The following DKK3 variants were observed in gnomAD, a reference collection of about 807,000 sequenced individuals.
The protein encoded by DKK3 is dickkopf Wnt signaling pathway inhibitor 3.
A neutral mutation model predicts 33.2 loss-of-function variants in DKK3; 22 were observed. The observed-to-expected ratio is 0.66, with a 90% CI of 0.47 to 0.95. The LOEUF is 0.95. Among genes scored for constraint, DKK3 ranks in the 40% least tolerant of loss-of-function variants. The probability of loss-of-function intolerance (pLI) is 0.00; values close to 1 mark genes in which losing one functional copy is unlikely to be tolerated. For missense variants in DKK3, 398 were observed against 458.4 expected, an observed-to-expected ratio of 0.87 and a Z score of 1.20; for synonymous variants, 194 against 188.8, an observed-to-expected ratio of 1.03 and a Z score of -0.23.
At chr11:11,972,873 G>A (rs1847753843) in intron 3 of DKK3, among the ~76,000 whole-genome samples, 1 of 151,382 alleles carries the variant, frequency 6.6e-6, no homozygotes, top group South Asian at 2.1e-4. Flanking sequence ...GAAGGCGGGG[G>A]CTCTGGGCTT....
At chr11:11,996,698 A>G (rs1848301889) in intron 3 of DKK3, among the ~76,000 whole-genome samples, 1 of 152,196 alleles carries the variant, frequency 6.6e-6, no homozygotes, top group African/African-American at 2.4e-5. Context: ...GCATCAAGAC[A>G]ACCTTGGCAA....
intron 3 of DKK3, among the ~76,000 whole-genome samples, chr11:11,981,537 C>T (rs904948585): frequency 1.3e-5 from 2 of 152,356 alleles, no homozygotes; most frequent in Non-Finnish European, 1.5e-5. Context: ...CACCCTCTGC[C>T]TTGCCAGCCT....
intron 3 of DKK3, among the ~76,000 whole-genome samples, chr11:11,973,169 G>A (rs1007704214): frequency 2.6e-5 from 4 of 152,194 alleles, no homozygotes; most frequent in Admixed American, 2.6e-4. Flanking sequence ...CCGCCACCTG[G>A]CACAATTTCT....
intron 3 of DKK3, chr11:11,998,347 C>T: frequency 2.7e-6 from 1 of 371,144 alleles, no homozygotes; most frequent in East Asian, 6.5e-5. Flanking sequence ...GGTAGCCATC[C>T]CAGAGGCTCT....
Position 11,970,027 on chromosome 11 carries a change from C to T in DKK3, c.436-1540G>A, listed in dbSNP as rs574464594. ...CAGGGCTGGGAACAAATCACAGACG[C>T]GCTTTGTCTCAGCCCAGCACACGCT... On this transcript the variant is annotated intron_variant, in intron 3 of 6. Transcript: ENST00000683431. 3.9e-5 allele frequency among the ~76,000 whole-genome samples: 6 copies of T among 152,294 alleles called. No homozygotes were observed. In the South Asian group the frequency reaches 6.2e-4, roughly 16 times the overall value.
upstream of DKK3, chr11:12,008,896 C>T: frequency 9.1e-7 from 1 of 1,097,104 alleles, no homozygotes; most frequent in Non-Finnish European, 1.1e-6. The surrounding 1 kb of genome is among the most constrained non-coding windows in gnomAD (Gnocchi z 4.6). Flanking sequence ...CTCGCCAGAG[C>T]AACCGAACCC....
At chr11:12,003,747 TAAA>T (rs67334199) in intron 1 of DKK3, among the ~76,000 whole-genome samples, 1 of 150,334 alleles carries the variant, frequency 6.7e-6, no homozygotes, top group Admixed American at 6.6e-5. Flanking sequence ...TTTTTTTTTT[TAAA>T]AAAAGAATGC....
intron 3 of DKK3, among the ~76,000 whole-genome samples, chr11:11,986,661 C>T (rs1321227014): frequency 6.6e-6 from 1 of 152,134 alleles, no homozygotes; most frequent in African/African-American, 2.4e-5. Flanking sequence ...CTGCAAACCA[C>T]CATGACTTTA....
chr11:11,978,501 TTTC>T (rs1026481690), intron 3 of DKK3, among the ~76,000 whole-genome samples: 1 of 133,374 alleles, frequency 7.5e-6, no homozygotes, highest in African/African-American at 3.1e-5. Flanking sequence ...CTTCTTCTTC[TTTC>T]TTCTTTCTTC....
chr11:11,984,268 GACA>G (rs1457356209), intron 3 of DKK3, among the ~76,000 whole-genome samples: 1 of 152,218 alleles, frequency 6.6e-6, no homozygotes, highest in East Asian at 1.9e-4. Context: ...TATTTTGAGA[GACA>G]GTATTTTATG....
Position 11,996,032 on chromosome 11 carries a change from G to T in DKK3, c.435+2664C>A, listed in dbSNP as rs115166064. The stretch of plus-strand genomic sequence containing the variant: ...AGCATTTGAAGAAAGGAAAGTATAG[G>T]GTGTGTGGTGATTACTTTTAATTGA... On this transcript the variant is annotated intron_variant, in intron 3 of 6. Transcript: ENST00000683431. Among the ~76,000 whole-genome samples the T allele has an allele frequency of 6.3e-3, 963 of 152,242 alleles. 7 individuals are homozygous for T. Among genetic ancestry groups the T allele is most frequent in the African/African-American group, 0.022 (924 of 41,524 alleles).
intron 5 of DKK3, 104 bp from the exon 6 acceptor site, chr11:11,966,069 AC>A: frequency 1.5e-6 from 2 of 1,355,314 alleles, no homozygotes; most frequent in Non-Finnish European, 9.9e-7. Context: ...CCCACCCTCA[AC>A]CCCAAAGTGC....
rs201152737 is a variant in DKK3, at chr11:11,978,444, CTCT to C, written c.436-9960_436-9958del. Among the ~76,000 whole-genome samples, 73 of 149,964 alleles carry C rather than the reference CTCT, an allele frequency of 4.9e-4. No individual in the cohort carries two copies. In the East Asian group the frequency reaches 0.01, roughly 21 times the overall value. Reference sequence around the variant, plus strand: ...CCTCTTCCTCTTCTTCTTCCTCTTCCTCTTCTTCTTCCTCTCCTTCCTCCACTT... The same window carrying C: ...CCTCTTCCTCTTCTTCTTCCTCTTCCTCTTCTTCCTCTCCTTCCTCCACTT... On this transcript the variant is annotated intron_variant, in intron 3 of 6. Transcript: ENST00000683431.
rs180673512 is a variant in DKK3, at chr11:11,983,285, G to A, written c.436-14798C>T. Among the ~76,000 whole-genome samples, 6 of 152,332 alleles carry A rather than the reference G, an allele frequency of 3.9e-5. No individual in the cohort carries two copies. The East Asian group carries it at 1.2e-3, about 29-fold the overall frequency. Reference sequence around the variant, plus strand: ...AAGTCCCTCCACACTCTCAGCACTTGGAGATAGCACCTATGCAAGAGCTGG... The same window carrying A: ...AAGTCCCTCCACACTCTCAGCACTTAGAGATAGCACCTATGCAAGAGCTGG... On this transcript the variant is annotated intron_variant, in intron 3 of 6. Coordinates refer to ENST00000683431, the MANE Select transcript of DKK3 (RefSeq NM_001018057.2).
Position 11,968,472 on chromosome 11 carries a change from C to T in DKK3, c.451G>A (p.Glu151Lys), listed in dbSNP as rs973015468. 1.9e-6 allele frequency: 3 copies of T among 1,613,180 alleles called. No individual in the cohort carries two copies. The highest frequency in any genetic ancestry group is 2.2e-5 in the East Asian group (1 of 44,768). ...GRRSHECIID[E>K]DCGPSMYCQF... ...CAGTACATGCTGGGCCCACAGTCCT[C>T]GTCGATGATGCACTCCTGGGGAAGG... The change falls in exon 4 of 7, where the codon GAG becomes AAG. Residue 151 changes from glutamate (E) to lysine (K), a missense_variant. Coordinates refer to ENST00000683431, the MANE Select transcript of DKK3 (RefSeq NM_001018057.2).
At chr11:12,002,794 T>C (rs925105167) in intron 1 of DKK3, among the ~76,000 whole-genome samples, 1 of 152,296 alleles carries the variant, frequency 6.6e-6, no homozygotes. Flanking sequence ...ACGCTGTTGA[T>C]GCCCTGCCCA....
intron 3 of DKK3, among the ~76,000 whole-genome samples, chr11:11,992,303 A>T (rs1267710237): frequency 6.6e-6 from 1 of 152,244 alleles, no homozygotes; most frequent in Non-Finnish European, 1.5e-5. Flanking sequence ...TAAGGCTTAG[A>T]GCAGTTCAGG....
intron 3 of DKK3, among the ~76,000 whole-genome samples, chr11:11,976,322 A>T (rs1264258578): frequency 6.6e-6 from 1 of 152,202 alleles, no homozygotes; most frequent in East Asian, 1.9e-4. Context: ...ACTACCAACA[A>T]GGACAAGGAG....
chr11:11,997,751 G>A (rs879641878), intron 3 of DKK3, among the ~76,000 whole-genome samples: 19 of 152,052 alleles, frequency 1.2e-4, no homozygotes, highest in African/African-American at 2.9e-4. Context: ...GCCAGCTCCC[G>A]ACATTTGAGC....
Sources: gnomAD v4.1 joint callset for allele counts (sites outside exome capture counted in the v4.1 genomes callset) on GRCh38, gnomAD v4.1.1 for gene constraint, Gnocchi (gnomAD v3.1) non-coding constraint, MANE v1.5 for transcripts, NCBI Gene and HGNC (gene_info 2026-07-23, HGNC 2026-07-21) for gene names.